The following CDH18 variants were observed in gnomAD, a reference collection of about 807,000 sequenced individuals.
The protein encoded by CDH18 is cadherin 18.
Under a neutral mutation model 67.9 loss-of-function variants are expected in CDH18, and 31 were observed. The ratio of observed to expected loss-of-function variants is 0.46; its 90% CI spans 0.34 to 0.62. CDH18 has a LOEUF of 0.62. Ranked by LOEUF, CDH18 falls within the 20% of genes least tolerant of loss-of-function variation. The pLI is 0.01. For synonymous variants in CDH18, 362 were observed against 347.2 expected (o/e 1.04, Z -0.48); for missense variants, 890 against 975.5 (o/e 0.91, Z 1.17).
At chr5:19,491,066 G>T (rs1375877490) in intron 11 of CDH18, among the ~76,000 whole-genome samples, 1 of 152,094 alleles carries the variant, frequency 6.6e-6, no homozygotes, top group African/African-American at 2.4e-5. Flanking sequence ...TTTCTCACTA[G>T]TCAAGCTTGA....
chr5:20,050,882 T>A (rs1337743155), intron 2 of CDH18, among the ~76,000 whole-genome samples: 3 of 151,852 alleles, frequency 2.0e-5, no homozygotes, highest in African/African-American at 7.2e-5. Flanking sequence ...TTTTCTTTTT[T>A]TGATAGAAGT....
intron 3 of CDH18, among the ~76,000 whole-genome samples, chr5:19,774,878 A>C (rs1332092971): frequency 6.9e-6 from 1 of 145,938 alleles, no homozygotes; most frequent in Admixed American, 6.9e-5. Flanking sequence ...AGAGTATACA[A>C]GTGTAAGTTG....
At chr5:20,027,914 C>T (rs2150445565) in intron 2 of CDH18, among the ~76,000 whole-genome samples, 1 of 152,212 alleles carries the variant, frequency 6.6e-6, no homozygotes, top group South Asian at 2.1e-4. Context: ...GGCCTTTGCC[C>T]TTATCAAAAA....
chr5:20,447,121 C>T (rs959071109), intron 1 of CDH18, among the ~76,000 whole-genome samples: 9 of 152,010 alleles, frequency 5.9e-5, no homozygotes, highest in Admixed American at 2.6e-4. Context: ...CCCCATTTTC[C>T]TTTTATCCTT....
chr5:20,145,536 C>G (rs947848397), intron 2 of CDH18, among the ~76,000 whole-genome samples: 1 of 152,132 alleles, frequency 6.6e-6, no homozygotes, highest in Non-Finnish European at 1.5e-5. Context: ...TTTTGCTTCA[C>G]TCAAGGTGTG....
At chr5:20,141,803 T>A (rs1473465515) in intron 2 of CDH18, among the ~76,000 whole-genome samples, 1 of 151,886 alleles carries the variant, frequency 6.6e-6, no homozygotes, top group African/African-American at 2.4e-5. Context: ...GAGGAGGAAT[T>A]TAGAGAAAAG....
At chr5:19,536,067 T>A (rs755975967) in intron 9 of CDH18, among the ~76,000 whole-genome samples, 1 of 152,174 alleles carries the variant, frequency 6.6e-6, no homozygotes, top group Non-Finnish European at 1.5e-5. Flanking sequence ...TTTATGTATT[T>A]AACAAAATTT....
intron 1 of CDH18, among the ~76,000 whole-genome samples, chr5:20,392,803 G>C (rs924052878): frequency 1.3e-5 from 2 of 151,844 alleles, no homozygotes; most frequent in Non-Finnish European, 2.9e-5. Context: ...TGCTCCAATT[G>C]TAAGTCAGTG....
intron 2 of CDH18, among the ~76,000 whole-genome samples, chr5:20,244,661 T>C (rs1452777120): frequency 6.6e-6 from 1 of 152,160 alleles, no homozygotes; most frequent in Non-Finnish European, 1.5e-5. Context: ...ATGATTATGA[T>C]AAATAGTTGA....
At chr5:20,488,436 C>A (rs867020184) in intron 1 of CDH18, among the ~76,000 whole-genome samples, 53 of 152,002 alleles carry the variant, frequency 3.5e-4, no homozygotes, top group African/African-American at 1.1e-3. Flanking sequence ...TTCCTTGAAT[C>A]TTCATAAAGG....
chr5:19,647,381 T>A (rs1246881334), intron 5 of CDH18, among the ~76,000 whole-genome samples: 1 of 149,650 alleles, frequency 6.7e-6, no homozygotes, highest in African/African-American at 2.5e-5. Context: ...AAAAAAAAAA[T>A]TAGCTGAGCA....
chr5:19,822,820 G>A (rs185102716), intron 3 of CDH18, among the ~76,000 whole-genome samples: 7 of 152,052 alleles, frequency 4.6e-5, no homozygotes, highest in Non-Finnish European at 1.0e-4. Context: ...TTGAGAGGAG[G>A]CAACTGGTCT....
chr5:20,406,757 A>C (rs1454100708), intron 1 of CDH18, among the ~76,000 whole-genome samples: 1 of 152,180 alleles, frequency 6.6e-6, no homozygotes, highest in Non-Finnish European at 1.5e-5. Flanking sequence ...AAGATAGTAG[A>C]ATAGGGAACC....
intron 5 of CDH18, among the ~76,000 whole-genome samples, chr5:19,657,199 T>C (rs1756525089): frequency 6.6e-6 from 1 of 152,130 alleles, no homozygotes; most frequent in South Asian, 2.1e-4. Flanking sequence ...TTCAAAGCTT[T>C]TGTGTATACA....
chr5:19,856,201 G>C (rs1784266717), intron 2 of CDH18, among the ~76,000 whole-genome samples: 2 of 152,234 alleles, frequency 1.3e-5, no homozygotes, highest in South Asian at 4.1e-4. Context: ...GATTGGAAAT[G>C]CAAATTCCCA....
chr5:19,535,836 C>A (rs1356399029), intron 9 of CDH18, among the ~76,000 whole-genome samples: 1 of 152,170 alleles, frequency 6.6e-6, no homozygotes, highest in African/African-American at 2.4e-5. Flanking sequence ...AATAAAGTAT[C>A]ATCTCCCAAA....
intron 2 of CDH18, among the ~76,000 whole-genome samples, chr5:19,994,784 G>A: frequency 1.4e-5 from 1 of 71,360 alleles, no homozygotes; most frequent in African/African-American, 6.0e-5. Flanking sequence ...GAGAGAGAGA[G>A]AGAGAGAGAT....
At chr5:20,501,893 T>A (rs2126445834) in intron 1 of CDH18, among the ~76,000 whole-genome samples, 1 of 145,124 alleles carries the variant, frequency 6.9e-6, no homozygotes, top group Non-Finnish European at 1.5e-5. Context: ...AATACTTCCT[T>A]ACACACACAC....
intron 10 of CDH18, among the ~76,000 whole-genome samples, chr5:19,504,938 A>G (rs184380275): frequency 7.3e-4 from 111 of 152,222 alleles, no homozygotes; most frequent in Non-Finnish European, 1.5e-3. Context: ...TTTCTTTACT[A>G]TACATTTCAG....
Sources: gnomAD v4.1 joint callset for allele counts (sites outside exome capture counted in the v4.1 genomes callset) on GRCh38, gnomAD v4.1.1 for gene constraint, MANE v1.5 for transcripts, NCBI Gene and HGNC (gene_info 2026-07-23, HGNC 2026-07-21) for gene names.